ATP10A: variants seen among roughly 807,000 people sequenced by gnomAD.
The protein encoded by ATP10A is ATPase phospholipid transporting 10A (putative).
A neutral mutation model predicts 147.8 loss-of-function variants in ATP10A; 111 were observed. The ratio of observed to expected loss-of-function variants is 0.75; its 90% CI spans 0.64 to 0.88. The LOEUF (loss-of-function observed/expected upper bound fraction) is 0.88. ATP10A is among the 40% of genes least tolerant of loss of function. The pLI is 0.00. For synonymous variants in ATP10A, 875 were observed against 841.6 expected (o/e 1.04, Z -0.69); for missense variants, 1,927 against 1,959.0 (o/e 0.98, Z 0.31).
downstream of ATP10A, chr15:25,677,276 T>C (rs915280445): frequency 2.6e-5 from 4 of 152,202 alleles, no homozygotes; most frequent in African/African-American, 9.7e-5. Flanking sequence ...CAAACTTAGT[T>C]GCTTGCCATA....
chr15:25,690,257 AAAG>A (rs1471214652), intron 15 of ATP10A, among the ~76,000 whole-genome samples: 5 of 146,258 alleles, frequency 3.4e-5, no homozygotes, highest in African/African-American at 1.4e-4. Context: ...AAAAAAAAAA[AAAG>A]AGAGACTGGG....
In ATP10A at chr15:25,736,103, G is replaced by A. The variant is rs762445156; in HGVS notation, c.693C>T (p.Ile231=). The change falls in exon 3 of 21, where the codon ATC becomes ATT. Residue 231 remains isoleucine (I), a synonymous_variant. Transcript: ENST00000555815. ...EFNPLTFTSV[I]ECEKPNNDLS... The stretch of plus-strand genomic sequence containing the variant: ...GGTCGTTGTTTGGCTTCTCGCATTC[G>A]ATCACGCTGGTGAACGTCAAAGGAT... The A allele has an allele frequency of 3.7e-6, 6 of 1,613,410 alleles. No individual in the cohort carries two copies. Among genetic ancestry groups the A allele is most frequent in the South Asian group, 2.2e-5 (2 of 91,018 alleles).
intron 1 of ATP10A, among the ~76,000 whole-genome samples, chr15:25,854,667 A>G (rs956049001): frequency 2.6e-5 from 4 of 152,244 alleles, no homozygotes; most frequent in Admixed American, 2.0e-4. Flanking sequence ...AACTCCGCAC[A>G]AAGAAAAGCC....
rs1038189675 is a variant in ATP10A, at chr15:25,791,694, C to G, written c.450-10471G>C. Reference sequence around the variant, plus strand: ...GAGCCACCGTGCCTGGCCTCCCTCACTTTTTCTATTGTATTCTTTCCTCTC... The same window carrying G: ...GAGCCACCGTGCCTGGCCTCCCTCAGTTTTTCTATTGTATTCTTTCCTCTC... On this transcript the variant is annotated intron_variant, in intron 1 of 20. Transcript: ENST00000555815. 7.9e-5 allele frequency among the ~76,000 whole-genome samples: 12 copies of G among 152,258 alleles called. No homozygotes were observed. In the South Asian group the frequency reaches 1.9e-3, roughly 24 times the overall value.
intron 15 of ATP10A, among the ~76,000 whole-genome samples, chr15:25,690,239 TTAAAA>T (rs755625336): frequency 7.0e-6 from 1 of 142,432 alleles, no homozygotes. Context: ...TTCCTTTTTT[TTAAAA>T]AAAAAAAAAA....
chr15:25,744,875 G>C (rs772701326), intron 2 of ATP10A, among the ~76,000 whole-genome samples: 2 of 152,054 alleles, frequency 1.3e-5, no homozygotes, highest in Admixed American at 6.6e-5. Flanking sequence ...AATGATGCAG[G>C]AGCAATTATT....
At chr15:25,742,241 C>T (rs1209127935) in intron 2 of ATP10A, among the ~76,000 whole-genome samples, 2 of 152,208 alleles carry the variant, frequency 1.3e-5, no homozygotes, top group East Asian at 1.9e-4. Flanking sequence ...TCCAGGCCTC[C>T]GCAGTCCTCT....
chr15:25,760,557 G>A (rs1243192938), intron 2 of ATP10A, among the ~76,000 whole-genome samples: 1 of 152,118 alleles, frequency 6.6e-6, no homozygotes, highest in East Asian at 1.9e-4. Flanking sequence ...GGAAAGAATG[G>A]AAAGAATGAA....
In ATP10A at chr15:25,859,296, G is replaced by C. The variant is rs76128756; in HGVS notation, c.449+3352C>G. Among the ~76,000 whole-genome samples, 749 of 152,302 alleles carry C rather than the reference G, an allele frequency of 4.9e-3. 9 individuals are homozygous for C. Among genetic ancestry groups the C allele is most frequent in the African/African-American group, 0.017 (713 of 41,568 alleles). On this transcript the variant is annotated intron_variant, in intron 1 of 20. Coordinates refer to ENST00000555815, the MANE Select transcript of ATP10A (RefSeq NM_024490.4). The stretch of plus-strand genomic sequence containing the variant: ...AGCTGGACACTCAGTGTTGGAGACC[G>C]ATGTCAGCTAAAGGGAAGTCCAAGC...
At chr15:25,813,641 C>G (rs919458747) in intron 1 of ATP10A, among the ~76,000 whole-genome samples, 12 of 151,930 alleles carry the variant, frequency 7.9e-5, no homozygotes, top group African/African-American at 2.9e-4. Context: ...GTCCAAGAAG[C>G]TAGAGGAAAG....
At chr15:25,772,785 C>T (rs952278502) in intron 2 of ATP10A, among the ~76,000 whole-genome samples, 9 of 152,162 alleles carry the variant, frequency 5.9e-5, no homozygotes, top group Non-Finnish European at 1.0e-4. Flanking sequence ...GGGAAGACAG[C>T]GTGGCCAGCA....
chr15:25,787,546 A>T (rs1890225590), intron 1 of ATP10A, among the ~76,000 whole-genome samples: 1 of 148,448 alleles, frequency 6.7e-6, no homozygotes, highest in South Asian at 2.2e-4. Context: ...GGGAAAGTTG[A>T]GGTGGCAGTA....
chr15:25,679,415 G>A lies in ATP10A; in HGVS notation c.4426C>T (p.His1476Tyr). 1 of 1,613,232 alleles carries A rather than the reference G, an allele frequency of 6.2e-7. No individual in the cohort carries two copies. The highest frequency in any genetic ancestry group is 8.5e-7 in the Non-Finnish European group (1 of 1,179,258). ...QAGRGLPVQP[H>Y]SGRSGLQGPD... The stretch of plus-strand genomic sequence containing the variant: ...CCTTGAAGTCCTGATCGGCCTGAGT[G>A]GGGCTGGACAGGAAGTCCACGTCCC... Residue 1476 changes from histidine (H) to tyrosine (Y), a missense_variant, in exon 21 of 21, where the codon CAC becomes TAC. Physicochemically the swap from His to Tyr is moderately conservative, Grantham distance 83. Transcript: ENST00000555815.
Position 25,713,791 on chromosome 15 carries a change from C to T in ATP10A, c.2227G>A (p.Asp743Asn), listed in dbSNP as rs746806712. 6.2e-7 allele frequency: 1 copy of T among 1,614,126 alleles called. No homozygotes were observed. The highest frequency in any genetic ancestry group is 8.5e-7 in the Non-Finnish European group (1 of 1,180,040). ...TFELLHTLGF[D>N]SVRKRMSVVI... ...ACTGACATCCTCTTGCGGACGGAAT[C>T]GAAACCCAGTGTGTGCAGGAGCTCG... The change falls in exon 10 of 21, where the codon GAT (aspartate) becomes AAT (asparagine). Residue 743 changes from aspartate to asparagine, a missense_variant. Transcript: ENST00000555815.
chr15:25,850,230 A>C (rs368207128), intron 1 of ATP10A, among the ~76,000 whole-genome samples: 1 of 152,100 alleles, frequency 6.6e-6, no homozygotes, highest in East Asian at 1.9e-4. Context: ...AGAGAGAGAG[A>C]GTCAGTGGGG....
chr15:25,734,337 G>A (rs955589931), intron 3 of ATP10A, among the ~76,000 whole-genome samples: 14 of 152,162 alleles, frequency 9.2e-5, no homozygotes, highest in African/African-American at 3.4e-4. Flanking sequence ...AGAGAAAGTC[G>A]GCCCCTTATT....
chr15:25,681,561 C>T (rs1436697031), intron 17 of ATP10A, among the ~76,000 whole-genome samples: 1 of 152,094 alleles, frequency 6.6e-6, no homozygotes, highest in Non-Finnish European at 1.5e-5. Flanking sequence ...ATGACATTTC[C>T]TAGGATGCTA....
chr15:25,727,207 C>G lies in ATP10A; in HGVS notation c.800G>C (p.Cys267Ser). ...GACTGCGTCCGTGTTCCTAAGGGTG[C>G]AGCCCCTCAGCAGCAGGTTTTCTTT... ...LYKENLLLRG[C>S]TLRNTDAVVG... Residue 267 changes from cysteine (C) to serine (S), a missense_variant, in exon 4 of 21, where the codon TGC becomes TCC. Physicochemically the swap from Cys to Ser is moderately radical, Grantham distance 112 (BLOSUM62 -1). Coordinates refer to ENST00000555815, the MANE Select transcript of ATP10A (RefSeq NM_024490.4). 1 of 1,613,490 alleles carries G rather than the reference C, an allele frequency of 6.2e-7. No individual in the cohort carries two copies. The highest frequency in any genetic ancestry group is 1.3e-5 in the African/African-American group (1 of 75,006).
At chr15:25,789,846 C>T (rs1346602132) in intron 1 of ATP10A, among the ~76,000 whole-genome samples, 1 of 152,076 alleles carries the variant, frequency 6.6e-6, no homozygotes, top group African/African-American at 2.4e-5. Flanking sequence ...CCTATAGATG[C>T]CAGTAGGGCT....
Sources: gnomAD v4.1 joint callset for allele counts (sites outside exome capture counted in the v4.1 genomes callset) on GRCh38, gnomAD v4.1.1 for gene constraint, MANE v1.5 for transcripts, NCBI Gene and HGNC (gene_info 2026-07-23, HGNC 2026-07-21) for gene names.